Variants in MICAL3 observed in about 807,000 individuals in gnomAD.
The protein encoded by MICAL3 is [F-actin]-monooxygenase MICAL3.
A neutral mutation model predicts 207.4 loss-of-function variants in MICAL3; 62 were observed. The ratio of observed to expected loss-of-function variants is 0.30; its 90% CI spans 0.24 to 0.37. MICAL3 has a LOEUF of 0.37. Among genes scored for constraint, MICAL3 ranks in the 10% least tolerant of loss-of-function variants. MICAL3 has a pLI of 1.00. For synonymous variants in MICAL3, 1,077 were observed against 1,069.3 expected, an observed-to-expected ratio of 1.01 and a Z score of -0.14; for missense variants, 2,368 against 2,635.6, an observed-to-expected ratio of 0.90 and a Z score of 2.22.
chr22:17,809,208 A>C (rs1408455150), intron 28 of MICAL3, among the ~76,000 whole-genome samples: 1 of 152,214 alleles, frequency 6.6e-6, no homozygotes, highest in East Asian at 1.9e-4. Context: ...TGTTGCAGAG[A>C]CAGGAAGTGG....
intron 1 of MICAL3, among the ~76,000 whole-genome samples, chr22:17,934,719 A>C (rs998701642): frequency 2.6e-5 from 4 of 152,234 alleles, no homozygotes; most frequent in African/African-American, 9.6e-5. Context: ...CCACTGTTTC[A>C]GCCCCAAATC....
At chr22:17,993,963 C>T (rs1921984143) in intron 1 of MICAL3, among the ~76,000 whole-genome samples, 1 of 152,152 alleles carries the variant, frequency 6.6e-6, no homozygotes, top group African/African-American at 2.4e-5. Context: ...TTGTTTTAGC[C>T]CTCTGTGCCC....
At chr22:17,837,101 G>A (rs948890384) in intron 20 of MICAL3, among the ~76,000 whole-genome samples, 1 of 152,196 alleles carries the variant, frequency 6.6e-6, no homozygotes, top group African/African-American at 2.4e-5. Context: ...CTGAGGAGGC[G>A]GCTGGAGAAG....
At position 17,994,407 on chromosome 22, in the gene MICAL3, T is replaced by G. The variant is rs115979276; in HGVS notation, c.-75+29874A>C. Among the ~76,000 whole-genome samples the G allele has an allele frequency of 7.3e-3, 1,115 of 152,308 alleles. 15 individuals are homozygous for G. Among genetic ancestry groups the G allele is most frequent in the African/African-American group, 0.026 (1,070 of 41,566 alleles). On this transcript the variant is annotated intron_variant, in intron 1 of 31. Coordinates refer to ENST00000441493, the MANE Select transcript of MICAL3 (RefSeq NM_015241.3). The stretch of plus-strand genomic sequence containing the variant: ...GGCACTGGCCTCCCGGGACCCATGC[T>G]ACCTCCAGACTTCAACTGGCAACAG...
intron 1 of MICAL3, among the ~76,000 whole-genome samples, chr22:17,959,760 T>C (rs919665380): frequency 4.6e-5 from 7 of 151,924 alleles, no homozygotes; most frequent in Admixed American, 1.3e-4. Flanking sequence ...GGGAAATAGA[T>C]AGCTCTCCCT....
intron 16 of MICAL3, among the ~76,000 whole-genome samples, chr22:17,875,966 A>G (rs1343065449): frequency 2.0e-5 from 3 of 152,142 alleles, no homozygotes; most frequent in Admixed American, 2.0e-4. Flanking sequence ...TTCTCCCGCC[A>G]CCCTATCACT....
intron 29 of MICAL3, chr22:17,791,768 C>T (rs1267779073): frequency 5.6e-6 from 1 of 177,840 alleles, no homozygotes; most frequent in Admixed American, 5.5e-5. Context: ...TGGGCTACTG[C>T]CCCTCTCCAG....
At chr22:18,003,771 C>T (rs542186374) in intron 1 of MICAL3, among the ~76,000 whole-genome samples, 1 of 151,660 alleles carries the variant, frequency 6.6e-6, no homozygotes, top group Non-Finnish European at 1.5e-5. Flanking sequence ...GATACCCTTT[C>T]TTTATTTTTT....
Position 17,817,738 on chromosome 22 carries a change from C to T in MICAL3, c.4923G>A (p.Gln1641=), listed in dbSNP as rs1033673272. 6.3e-7 allele frequency: 1 copy of T among 1,590,956 alleles called. No individual in the cohort carries two copies. Among genetic ancestry groups the T allele is most frequent in the Non-Finnish European group, 8.6e-7 (1 of 1,169,564 alleles). ...RPRKASSAPS[Q]GKERRPDSPT... is the part of the protein sequence containing the mutation. ...GGGAGTCAGGCCGGCGCTCCTTGCC[C>T]TGGGAGGGTGCTGAGGACGCCTTGC... is the stretch of plus-strand genomic sequence containing the variant. The change falls in exon 26 of 32, where the codon CAG becomes CAA. Residue 1641 remains glutamine, a synonymous_variant. Transcript: ENST00000441493.
In MICAL3 at chr22:17,831,949, A is replaced by G. The variant is rs571368437; in HGVS notation, c.2960T>C (p.Phe987Ser). Reference protein sequence around the residue: ...SEEELEASKSFGPGNEEEEEE... With the variant: ...SEEELEASKSSGPGNEEEEEE... ...CTCCTCCTCTTCATTCCCAGGCCCA[A>G]AGCTCTTTGAGGCCTCTAGCTCCTC... Residue 987 changes from phenylalanine (F) to serine (S), a missense_variant, in exon 21 of 32, where the codon TTT (phenylalanine) becomes TCT (serine). Phe to Ser is a radical substitution (Grantham distance 155). Coordinates refer to ENST00000441493, the MANE Select transcript of MICAL3 (RefSeq NM_015241.3). 1.3e-6 allele frequency: 2 copies of G among 1,581,262 alleles called. No homozygotes were observed. Among genetic ancestry groups the G allele is most frequent in the Admixed American group, 1.8e-5 (1 of 54,792 alleles).
At chr22:17,918,400 A>G (rs1389859821) in intron 1 of MICAL3, among the ~76,000 whole-genome samples, 1 of 152,182 alleles carries the variant, frequency 6.6e-6, no homozygotes, top group Non-Finnish European at 1.5e-5. Flanking sequence ...CTTAAGAAAA[A>G]AAAATTACTT....
At chr22:18,022,228 C>T (rs1367054167) in intron 1 of MICAL3, among the ~76,000 whole-genome samples, 2 of 152,126 alleles carry the variant, frequency 1.3e-5, no homozygotes, top group Non-Finnish European at 2.9e-5. Flanking sequence ...TGCAACAGTA[C>T]CTGTGGGGAA....
intron 21 of MICAL3, 109 bp downstream of exon 21, chr22:17,831,745 C>T: frequency 2.0e-6 from 3 of 1,478,162 alleles, no homozygotes; most frequent in East Asian, 2.5e-5. Context: ...CTGGGCTGTG[C>T]AGGAGGCACG....
At chr22:17,945,121 G>A (rs1934001933) in intron 1 of MICAL3, among the ~76,000 whole-genome samples, 1 of 151,186 alleles carries the variant, frequency 6.6e-6, no homozygotes, top group Non-Finnish European at 1.5e-5. Context: ...AGGGCTGAGT[G>A]CTGTCAACTC....
intron 19 of MICAL3, among the ~76,000 whole-genome samples, chr22:17,843,992 G>A (rs1052757800): frequency 2.0e-5 from 3 of 152,178 alleles, no homozygotes; most frequent in African/African-American, 7.2e-5. Flanking sequence ...GACTACGGGC[G>A]CCTGCCACAG....
intron 21 of MICAL3, among the ~76,000 whole-genome samples, chr22:17,829,011 G>A (rs1405030950): frequency 6.6e-6 from 1 of 152,128 alleles, no homozygotes; most frequent in African/African-American, 2.4e-5. Context: ...CCGTATGTGG[G>A]GTATCAGCCC....
intron 22 of MICAL3, among the ~76,000 whole-genome samples, chr22:17,823,616 G>A (rs1027995931): frequency 3.3e-5 from 5 of 151,896 alleles, no homozygotes; most frequent in South Asian, 4.1e-4. Flanking sequence ...ATTGTTTCAT[G>A]CATAAAATTA....
At chr22:17,795,086 T>C (rs1361556236) in intron 29 of MICAL3, among the ~76,000 whole-genome samples, 1 of 152,196 alleles carries the variant, frequency 6.6e-6, no homozygotes, top group East Asian at 1.9e-4. Context: ...TGGCGTACCT[T>C]GGGCACACTG....
chr22:17,860,674 G>A, intron 19 of MICAL3: 2 of 985,454 alleles, frequency 2.0e-6, no homozygotes, highest in Non-Finnish European at 2.4e-6. Context: ...TGAGGCGGGT[G>A]CCCGGCTCTC....
Sources: allele counts gnomAD v4.1 joint callset (sites outside exome capture counted in the v4.1 genomes callset), GRCh38; gene constraint gnomAD v4.1.1; transcripts MANE v1.5; gene names NCBI Gene and HGNC (gene_info 2026-07-23, HGNC 2026-07-21).